The following CFDP1 variants were observed in gnomAD, a reference collection of about 807,000 sequenced individuals.
CFDP1 encodes chromatin remodeling protein CFDP1.
A neutral mutation model predicts 40.1 loss-of-function variants in CFDP1; 31 were observed. The ratio of observed to expected loss-of-function variants is 0.77; its 90% CI spans 0.58 to 1.04. The LOEUF (loss-of-function observed/expected upper bound fraction) is 1.04. Ranked by LOEUF, CFDP1 falls within the 50% of genes least tolerant of loss-of-function variation. The pLI is 0.00. For synonymous variants in CFDP1, 167 were observed against 120.0 expected (o/e 1.39, Z -2.56); for missense variants, 423 against 343.4 (o/e 1.23, Z -1.83).
At chr16:75,326,521 G>GT (rs1443996616) in intron 5 of CFDP1, among the ~76,000 whole-genome samples, 3 of 152,232 alleles carry the variant, frequency 2.0e-5, no homozygotes, top group Non-Finnish European at 4.4e-5. Flanking sequence ...CCATGGCAAG[G>GT]TAAGAGAATT....
intron 4 of CFDP1, among the ~76,000 whole-genome samples, chr16:75,405,252 A>G (rs1480254514): frequency 6.6e-6 from 1 of 152,258 alleles, no homozygotes; most frequent in Admixed American, 6.5e-5. Flanking sequence ...ACTAAAGCCC[A>G]AAAATGTAAT....
chr16:75,399,970 A>G (rs1597384651), intron 4 of CFDP1, among the ~76,000 whole-genome samples: 1 of 104,804 alleles, frequency 9.5e-6, no homozygotes, highest in Non-Finnish European at 2.3e-5. Context: ...TGGTGGTGGC[A>G]CATGCCTGTA....
At chr16:75,368,807 G>A (rs548828865) in intron 5 of CFDP1, among the ~76,000 whole-genome samples, 1 of 151,972 alleles carries the variant, frequency 6.6e-6, no homozygotes, top group African/African-American at 2.4e-5. Context: ...GCTAATCTGT[G>A]CATTTTTTGT....
intron 4 of CFDP1, among the ~76,000 whole-genome samples, chr16:75,408,479 A>C (rs1451300781): frequency 6.6e-6 from 1 of 152,024 alleles, no homozygotes; most frequent in East Asian, 1.9e-4. Flanking sequence ...AAAAACTTCA[A>C]ATATTAATAT....
At chr16:75,341,387 G>A (rs980365616) in intron 5 of CFDP1, among the ~76,000 whole-genome samples, 3 of 152,122 alleles carry the variant, frequency 2.0e-5, no homozygotes, top group Admixed American at 1.3e-4. Context: ...AACTGGCTTT[G>A]CTATAATGTT....
chr16:75,352,007 C>CAAAAAA (rs3975153), intron 5 of CFDP1, among the ~76,000 whole-genome samples: 16 of 86,756 alleles, frequency 1.8e-4, no homozygotes, highest in African/African-American at 2.8e-4. Context: ...GACTCTGTCT[C>CAAAAAA]AAAAAAAAAA....
intron 1 of CFDP1, among the ~76,000 whole-genome samples, chr16:75,422,255 C>G (rs555983583): frequency 3.9e-5 from 6 of 152,016 alleles, no homozygotes; most frequent in South Asian, 2.1e-4. Flanking sequence ...TGCCACCACA[C>G]CCGGCTAATT....
chr16:75,386,703 C>A (rs537620770), intron 5 of CFDP1, among the ~76,000 whole-genome samples: 71 of 152,214 alleles, frequency 4.7e-4, no homozygotes, highest in African/African-American at 1.5e-3. Flanking sequence ...CCAGCCTGGG[C>A]AACAGAGTGA....
At chr16:75,412,952 T>C (rs1222579615) in intron 2 of CFDP1, among the ~76,000 whole-genome samples, 198 bp from the exon 3 acceptor site, 1 of 147,554 alleles carries the variant, frequency 6.8e-6, no homozygotes, top group Non-Finnish European at 1.5e-5. Context: ...AAAAAAAAAC[T>C]GAGCTCTTAG....
At chr16:75,326,800 T>C (rs533341505) in intron 5 of CFDP1, among the ~76,000 whole-genome samples, 6 of 152,140 alleles carry the variant, frequency 3.9e-5, no homozygotes, top group Non-Finnish European at 8.8e-5. Context: ...AGACTGACGG[T>C]GAAGCAATGG....
At chr16:75,310,683 A>G (rs1226097925) in intron 5 of CFDP1, among the ~76,000 whole-genome samples, 1 of 152,190 alleles carries the variant, frequency 6.6e-6, no homozygotes, top group Non-Finnish European at 1.5e-5. Context: ...TAGCAAGAGC[A>G]CTGTTCTATC....
intron 5 of CFDP1, among the ~76,000 whole-genome samples, chr16:75,348,688 A>T (rs1051464845): frequency 7.9e-5 from 12 of 152,214 alleles, no homozygotes; most frequent in African/African-American, 2.9e-4. Context: ...ACAGCTCTTA[A>T]GTGAATCATG....
chr16:75,414,053 A>G (rs1331580112), intron 2 of CFDP1, among the ~76,000 whole-genome samples: 1 of 152,180 alleles, frequency 6.6e-6, no homozygotes, highest in Non-Finnish European at 1.5e-5. Context: ...CAATCTAAAC[A>G]TCCCTCGATA....
intron 4 of CFDP1, among the ~76,000 whole-genome samples, chr16:75,398,043 T>C (rs1389068384): frequency 6.6e-6 from 1 of 152,164 alleles, no homozygotes; most frequent in Non-Finnish European, 1.5e-5. Context: ...GAAAGACACA[T>C]GCTGTAGACC....
intron 5 of CFDP1, among the ~76,000 whole-genome samples, chr16:75,393,701 G>A (rs886750302): frequency 6.7e-5 from 8 of 118,868 alleles, no homozygotes; most frequent in South Asian, 2.8e-4. Context: ...ACTGCAGTCC[G>A]CAGTCCGGCC....
At chr16:75,351,359 A>G (rs2078609251) in intron 5 of CFDP1, among the ~76,000 whole-genome samples, 2 of 152,390 alleles carry the variant, frequency 1.3e-5, no homozygotes, top group South Asian at 4.1e-4. Flanking sequence ...ACAGAAAGAA[A>G]GCAGGGCTTC....
At chr16:75,306,475 C>T (rs2078258048) in intron 5 of CFDP1, 1 of 152,206 alleles carries the variant, frequency 6.6e-6, no homozygotes, top group Non-Finnish European at 1.5e-5. Flanking sequence ...CATTCTCATT[C>T]TATTAACTTT....
At chr16:75,414,370 A>G (rs1445977768) in intron 2 of CFDP1, among the ~76,000 whole-genome samples, 1 of 152,224 alleles carries the variant, frequency 6.6e-6, no homozygotes, top group East Asian at 1.9e-4. Flanking sequence ...CATATTACCT[A>G]TTAACATTTT....
At chr16:75,352,388 A>G (rs1310114853) in intron 5 of CFDP1, among the ~76,000 whole-genome samples, 1 of 151,986 alleles carries the variant, frequency 6.6e-6, no homozygotes, top group South Asian at 2.1e-4. Context: ...AGACCACCCA[A>G]TTAAAAAAAA....
Sources: allele counts gnomAD v4.1 joint callset (sites outside exome capture counted in the v4.1 genomes callset), GRCh38; gene constraint gnomAD v4.1.1; transcripts MANE v1.5; gene names NCBI Gene and HGNC (gene_info 2026-07-23, HGNC 2026-07-21).